Variants in EYS observed in about 807,000 individuals in gnomAD.
The protein encoded by EYS is EGF-like photoreceptor maintenance factor.
EYS carries 250 observed loss-of-function variants against 282.1 expected under a neutral mutation model. The observed-to-expected ratio is 0.89, with a 90% CI of 0.80 to 0.98. The LOEUF (loss-of-function observed/expected upper bound fraction) is 0.98. Among genes scored for constraint, EYS ranks in the 50% least tolerant of loss-of-function variants. EYS has a pLI of 0.00. For synonymous variants in EYS, 1,355 were observed against 1,282.9 expected (o/e 1.06, Z -1.20); for missense variants, 4,016 against 3,709.0 (o/e 1.08, Z -2.15).
chr6:64,101,898 G>A (rs1772841765), intron 31 of EYS, among the ~76,000 whole-genome samples: 1 of 151,770 alleles, frequency 6.6e-6, no homozygotes, highest in African/African-American at 2.4e-5. Flanking sequence ...GATTCTCATA[G>A]GGAGTGTGCA....
chr6:64,784,892 T>G (rs1266329304), intron 22 of EYS, among the ~76,000 whole-genome samples: 3 of 152,118 alleles, frequency 2.0e-5, no homozygotes, highest in Non-Finnish European at 4.4e-5. Context: ...TTAGATCAGT[T>G]GTATTCGAGG....
chr6:65,384,232 C>A (rs1482246483), intron 8 of EYS, among the ~76,000 whole-genome samples, 154 bp downstream of exon 8: 2 of 151,480 alleles, frequency 1.3e-5, no homozygotes, highest in East Asian at 1.9e-4. Context: ...AAATTAAAAC[C>A]CCTATTGCTA....
intron 31 of EYS, among the ~76,000 whole-genome samples, chr6:64,141,852 C>T (rs916654887): frequency 6.6e-6 from 1 of 151,946 alleles, no homozygotes; most frequent in Admixed American, 6.6e-5. Flanking sequence ...GCATACTTGC[C>T]GCATATTTAT....
chr6:63,908,671 G>C (rs986176931), intron 35 of EYS, among the ~76,000 whole-genome samples: 1 of 152,052 alleles, frequency 6.6e-6, no homozygotes, highest in African/African-American at 2.4e-5. Context: ...GGCTAGTCTC[G>C]AACTCCTGAC....
intron 22 of EYS, among the ~76,000 whole-genome samples, chr6:64,716,741 A>G (rs1185431979): frequency 6.6e-6 from 1 of 152,146 alleles, no homozygotes; most frequent in Admixed American, 6.5e-5. Context: ...AGTCTTCAGT[A>G]ATTGCTTCTG....
At chr6:65,540,847 C>G (rs1005514735) in intron 2 of EYS, among the ~76,000 whole-genome samples, 1 of 151,960 alleles carries the variant, frequency 6.6e-6, no homozygotes, top group Non-Finnish European at 1.5e-5. Context: ...CGCTTGAATC[C>G]GGGAAGCGGA....
chr6:65,512,102 G>A (rs1426233921), intron 2 of EYS, among the ~76,000 whole-genome samples: 1 of 151,552 alleles, frequency 6.6e-6, no homozygotes, highest in Non-Finnish European at 1.5e-5. Context: ...TCACCTTCAG[G>A]TTACCATTTC....
intron 12 of EYS, among the ~76,000 whole-genome samples, chr6:65,062,439 A>G (rs1329397091): frequency 6.6e-6 from 1 of 151,912 alleles, no homozygotes; most frequent in Non-Finnish European, 1.5e-5. Flanking sequence ...TGAGAACAAG[A>G]GTTGCTTTAA....
chr6:64,311,979 G>GTTTTTTTTTTTTTT (rs61332669), intron 29 of EYS, among the ~76,000 whole-genome samples: 10 of 139,942 alleles, frequency 7.1e-5, no homozygotes, highest in African/African-American at 2.5e-4. Flanking sequence ...GCTGCAGAAG[G>GTTTTTTTTTTTTTT]TTTTTTTTTT....
At chr6:64,713,596 T>C (rs552973195) in intron 22 of EYS, among the ~76,000 whole-genome samples, 1 of 152,022 alleles carries the variant, frequency 6.6e-6, no homozygotes, top group African/African-American at 2.4e-5. Context: ...CCCTAGGGAG[T>C]ATAGGGGACT....
At chr6:64,540,210 C>T (rs1411942586) in intron 26 of EYS, among the ~76,000 whole-genome samples, 1 of 152,162 alleles carries the variant, frequency 6.6e-6, no homozygotes, top group Non-Finnish European at 1.5e-5. Context: ...ACCTCAATCC[C>T]AGATTCCAGC....
At chr6:64,510,620 A>T (rs548120040) in intron 26 of EYS, among the ~76,000 whole-genome samples, 1 of 152,326 alleles carries the variant, frequency 6.6e-6, no homozygotes, top group African/African-American at 2.4e-5. Context: ...TGCACAAAAA[A>T]TGAATTGCTG....
chr6:65,060,129 T>C (rs185220056), intron 12 of EYS, among the ~76,000 whole-genome samples: 90 of 152,082 alleles, frequency 5.9e-4, no homozygotes, highest in African/African-American at 1.9e-3. Flanking sequence ...CCCTCATCCG[T>C]ATTTCCCAAA....
At chr6:64,795,389 G>A (rs1394683501) in intron 22 of EYS, among the ~76,000 whole-genome samples, 2 of 152,108 alleles carry the variant, frequency 1.3e-5, no homozygotes, top group African/African-American at 4.8e-5. Context: ...TAGATATCCC[G>A]AGTATGAGAG....
At chr6:63,778,289 A>G in intron 39 of EYS, 109 bp from the exon 40 acceptor site, 1 of 1,145,614 alleles carries the variant, frequency 8.7e-7, no homozygotes, top group Non-Finnish European at 1.2e-6. Flanking sequence ...ATAAAGTAAT[A>G]CATGTAAATT....
At chr6:65,251,242 A>G (rs1251591165) in intron 12 of EYS, among the ~76,000 whole-genome samples, 1 of 151,674 alleles carries the variant, frequency 6.6e-6, no homozygotes, top group Non-Finnish European at 1.5e-5. Context: ...GCATAAACAA[A>G]TAGCATCAAT....
At chr6:64,531,151 T>G (rs1342797596) in intron 26 of EYS, among the ~76,000 whole-genome samples, 1 of 152,168 alleles carries the variant, frequency 6.6e-6, no homozygotes, top group East Asian at 1.9e-4. Flanking sequence ...TTTTTAAATA[T>G]AGTGTACCAC....
At chr6:64,481,375 C>T (rs1233774854) in intron 26 of EYS, among the ~76,000 whole-genome samples, 1 of 148,634 alleles carries the variant, frequency 6.7e-6, no homozygotes, top group Non-Finnish European at 1.5e-5. Context: ...TGGGTGTATC[C>T]AAGGTGATAC....
At chr6:64,145,444 T>A (rs556863279) in intron 31 of EYS, among the ~76,000 whole-genome samples, 4 of 152,084 alleles carry the variant, frequency 2.6e-5, no homozygotes, top group Non-Finnish European at 5.9e-5. Flanking sequence ...ATGTTCATTA[T>A]ATGTAAAATG....
Sources: allele counts gnomAD v4.1 joint callset (sites outside exome capture counted in the v4.1 genomes callset), GRCh38; gene constraint gnomAD v4.1.1; transcripts MANE v1.5; gene names NCBI Gene and HGNC (gene_info 2026-07-23, HGNC 2026-07-21).